Variants in FOXP1 observed in about 807,000 individuals in gnomAD.
The protein encoded by FOXP1 is forkhead box P1.
A neutral mutation model predicts 98.2 loss-of-function variants in FOXP1; 15 were observed. The ratio of observed to expected loss-of-function variants is 0.15; its 90% confidence interval spans 0.10 to 0.24. The LOEUF is 0.24. Ranked by LOEUF, FOXP1 falls within the 10% of genes least tolerant of loss-of-function variation. The pLI, the probability that FOXP1 is intolerant of heterozygous loss-of-function variation, is 1.00. For missense variants in FOXP1, 633 were observed against 848.5 expected (o/e 0.75, Z 3.15); for synonymous variants, 371 against 314.5 (o/e 1.18, Z -1.90).
chr3:71,445,025 T>C (rs1040156319), intron 3 of FOXP1, among the ~76,000 whole-genome samples: 1 of 152,168 alleles, frequency 6.6e-6, no homozygotes, highest in Non-Finnish European at 1.5e-5. Context: ...AAGGGAGATC[T>C]TTCATTTCAA....
intron 2 of FOXP1, among the ~76,000 whole-genome samples, chr3:71,521,004 T>C (rs1419249691): frequency 6.6e-6 from 1 of 152,118 alleles, no homozygotes; most frequent in East Asian, 1.9e-4. Flanking sequence ...AATCACACAG[T>C]GTGCATCTAC....
At chr3:71,109,932 A>T (rs2107727561) in intron 7 of FOXP1, among the ~76,000 whole-genome samples, 1 of 152,192 alleles carries the variant, frequency 6.6e-6, no homozygotes, top group South Asian at 2.1e-4. Context: ...CTGCTTGTCA[A>T]TTCCTCTACT....
At chr3:71,268,937 T>G (rs185810591) in intron 5 of FOXP1, among the ~76,000 whole-genome samples, 10 of 152,258 alleles carry the variant, frequency 6.6e-5, no homozygotes, top group Admixed American at 5.2e-4. Context: ...TTACTTCTTT[T>G]ATTACCCAAC....
At chr3:71,119,398 A>T (rs2058597719) in intron 6 of FOXP1, among the ~76,000 whole-genome samples, 1 of 152,056 alleles carries the variant, frequency 6.6e-6, no homozygotes. Flanking sequence ...CCTTCTTCTA[A>T]TTTCTTTTCC....
intron 2 of FOXP1, chr3:71,580,811 C>T (rs558244757): frequency 6.8e-5 from 67 of 985,410 alleles, no homozygotes; most frequent in Non-Finnish European, 7.7e-5. Context: ...CTTAAGTCTA[C>T]GTACAACCAA....
intron 4 of FOXP1, among the ~76,000 whole-genome samples, chr3:71,321,381 G>A (rs2075383023): frequency 6.6e-6 from 1 of 152,062 alleles, no homozygotes; most frequent in Non-Finnish European, 1.5e-5. Context: ...CAAGAAATCT[G>A]GTATGAGCCA....
intron 3 of FOXP1, among the ~76,000 whole-genome samples, chr3:71,430,349 T>C (rs181503821): frequency 3.9e-5 from 6 of 152,300 alleles, no homozygotes; most frequent in East Asian, 1.9e-4. Context: ...GAATGAATAA[T>C]AGTACAAAAT....
intron 13 of FOXP1, among the ~76,000 whole-genome samples, chr3:70,998,920 T>G (rs921105202): frequency 3.3e-5 from 5 of 152,160 alleles, no homozygotes; most frequent in Admixed American, 1.3e-4. Context: ...GGCTGAACAC[T>G]CTAATCTGTA....
At chr3:71,008,689 T>C (rs1014288422) in intron 12 of FOXP1, among the ~76,000 whole-genome samples, 1 of 152,106 alleles carries the variant, frequency 6.6e-6, no homozygotes, top group Non-Finnish European at 1.5e-5. Context: ...CGTCCCTCTG[T>C]TGGCGGTGAG....
At chr3:71,188,580 G>C (rs1015168495) in intron 6 of FOXP1, among the ~76,000 whole-genome samples, 1 of 152,000 alleles carries the variant, frequency 6.6e-6, no homozygotes, top group Non-Finnish European at 1.5e-5. Flanking sequence ...AACACGCCCG[G>C]CTAATTTTTG....
At chr3:71,327,255 G>A (rs1576988153) in intron 4 of FOXP1, among the ~76,000 whole-genome samples, 1 of 57,848 alleles carries the variant, frequency 1.7e-5, no homozygotes, top group East Asian at 6.8e-4. Context: ...TGGGAGGGAG[G>A]AGGTGACAGC....
intron 6 of FOXP1, among the ~76,000 whole-genome samples, chr3:71,174,450 G>C (rs932340237): frequency 1.3e-5 from 2 of 151,948 alleles, no homozygotes; most frequent in Non-Finnish European, 2.9e-5. Flanking sequence ...AAGGAAACCA[G>C]GAAAACACAG....
chr3:71,185,179 C>T (rs1164131237), intron 6 of FOXP1, among the ~76,000 whole-genome samples: 1 of 151,416 alleles, frequency 6.6e-6, no homozygotes, highest in African/African-American at 2.4e-5. Flanking sequence ...GATGACAGAC[C>T]ACGACTCCGT....
intron 7 of FOXP1, among the ~76,000 whole-genome samples, chr3:71,088,400 GTT>G (rs539363748): frequency 3.5e-5 from 5 of 140,888 alleles, no homozygotes; most frequent in Admixed American, 1.4e-4. Flanking sequence ...TTTGTTTTTT[GTT>G]TTTTTTTTTT....
At chr3:71,027,013 TAA>T (rs1486724870) in intron 11 of FOXP1, among the ~76,000 whole-genome samples, 1 of 152,204 alleles carries the variant, frequency 6.6e-6, no homozygotes, top group Non-Finnish European at 1.5e-5. Context: ...AGTTTGTAAC[TAA>T]AAGTTTACCA....
At chr3:71,165,728 G>A (rs2061369368) in intron 6 of FOXP1, among the ~76,000 whole-genome samples, 1 of 152,120 alleles carries the variant, frequency 6.6e-6, no homozygotes, top group Non-Finnish European at 1.5e-5. Context: ...GGCCAGAATG[G>A]TCTAGACATC....
chr3:71,425,198 A>T (rs1326847504), intron 3 of FOXP1, among the ~76,000 whole-genome samples: 3 of 151,842 alleles, frequency 2.0e-5, no homozygotes, highest in African/African-American at 7.3e-5. Flanking sequence ...TCACTGTAGC[A>T]TTCACCTCCC....
chr3:71,212,170 G>A (rs1289569618), intron 5 of FOXP1, among the ~76,000 whole-genome samples: 1 of 152,092 alleles, frequency 6.6e-6, no homozygotes, highest in Non-Finnish European at 1.5e-5. Context: ...AAAAAGAATT[G>A]AAAATGGAAT....
intron 6 of FOXP1, among the ~76,000 whole-genome samples, chr3:71,154,061 T>C (rs1355472563): frequency 4.0e-5 from 6 of 151,708 alleles, no homozygotes; most frequent in Non-Finnish European, 7.4e-5. Context: ...TGGAATTTTG[T>C]TTTTCCCCTT....
Sources: allele counts gnomAD v4.1 joint callset (sites outside exome capture counted in the v4.1 genomes callset), GRCh38; gene constraint gnomAD v4.1.1; transcripts MANE v1.5; gene names NCBI Gene and HGNC (gene_info 2026-07-23, HGNC 2026-07-21).